Variants in CD2AP observed in about 807,000 individuals in gnomAD.
CD2AP encodes the protein CD2-associated protein.
Under a neutral mutation model 85.1 loss-of-function variants are expected in CD2AP, and 46 were observed. The observed-to-expected ratio is 0.54, with a 90% CI of 0.43 to 0.69. The LOEUF is 0.69. CD2AP is among the 30% of genes least tolerant of loss of function. CD2AP has a pLI of 0.00. For missense variants in CD2AP, 769 were observed against 729.5 expected (o/e 1.05, Z -0.62); for synonymous variants, 255 against 252.9 (o/e 1.01, Z -0.08).
intron 11 of CD2AP, 27 bp from the exon 12 acceptor site, chr6:47,595,834 T>C: frequency 1.3e-6 from 2 of 1,593,582 alleles, no homozygotes; most frequent in Non-Finnish European, 1.7e-6. Flanking sequence ...TGATTGTTAA[T>C]AACTTGTGAA....
At chr6:47,526,858 T>C (rs1006431774) in intron 2 of CD2AP, among the ~76,000 whole-genome samples, 12 of 152,210 alleles carry the variant, frequency 7.9e-5, no homozygotes, top group African/African-American at 2.4e-4. Context: ...AATGAGCAAG[T>C]ACTCTTTGGC....
chr6:47,587,014 T>C (rs1032758981), intron 11 of CD2AP, among the ~76,000 whole-genome samples: 1 of 152,174 alleles, frequency 6.6e-6, no homozygotes, highest in Non-Finnish European at 1.5e-5. Context: ...AAAATGTCAG[T>C]GTTTTGCCAG....
At chr6:47,490,129 C>G (rs1031568136) in intron 1 of CD2AP, among the ~76,000 whole-genome samples, 1 of 151,958 alleles carries the variant, frequency 6.6e-6, no homozygotes, top group Non-Finnish European at 1.5e-5. Flanking sequence ...CATGTGCCAT[C>G]GCACCTGGCT....
intron 6 of CD2AP, among the ~76,000 whole-genome samples, chr6:47,575,338 A>G (rs1768278253): frequency 6.6e-6 from 1 of 151,754 alleles, no homozygotes; most frequent in Non-Finnish European, 1.5e-5. Context: ...TTCTAACTCT[A>G]AAGCTTAGGA....
intron 3 of CD2AP, among the ~76,000 whole-genome samples, chr6:47,541,135 A>G (rs1260896608): frequency 6.6e-6 from 1 of 151,526 alleles, no homozygotes; most frequent in East Asian, 1.9e-4. Context: ...CCTTTTTTTT[A>G]TTTTTTGAGA....
At chr6:47,488,870 A>T (rs560536645) in intron 1 of CD2AP, among the ~76,000 whole-genome samples, 1 of 152,306 alleles carries the variant, frequency 6.6e-6, no homozygotes, top group South Asian at 2.1e-4. Context: ...CAGCCTGTGC[A>T]ACTGAGTGAG....
chr6:47,581,843 A>C (rs548126888), intron 10 of CD2AP, among the ~76,000 whole-genome samples, 160 bp from the exon 11 acceptor site: 2 of 152,284 alleles, frequency 1.3e-5, no homozygotes, highest in Non-Finnish European at 2.9e-5. Flanking sequence ...CAGGTCCAGG[A>C]TTAGAAATTG....
At chr6:47,594,201 T>C (rs2114127901) in intron 11 of CD2AP, among the ~76,000 whole-genome samples, 1 of 152,170 alleles carries the variant, frequency 6.6e-6, no homozygotes, top group African/African-American at 2.4e-5. Context: ...AAGGTGGTGG[T>C]TGCGTAACAT....
At chr6:47,607,793 A>G in intron 14 of CD2AP, 134 bp from the exon 15 acceptor site, 1 of 633,486 alleles carries the variant, frequency 1.6e-6, no homozygotes, top group East Asian at 2.7e-5. Flanking sequence ...ATAGCATCCT[A>G]TTAATAATAA....
chr6:47,610,952 TA>T (rs1769413831), intron 16 of CD2AP, among the ~76,000 whole-genome samples: 5 of 55,190 alleles, frequency 9.1e-5, no homozygotes, highest in African/African-American at 3.7e-4. Flanking sequence ...TTCTGATTTA[TA>T]TATATATATA....
chr6:47,503,429 A>G lies in CD2AP; in HGVS notation c.154A>G (p.Asn52Asp), dbSNP rs1766050373. ...LNGRRGMFPD[N>D]FVKEIKRETE... The stretch of plus-strand genomic sequence containing the variant: ...TGGGAGAAGAGGAATGTTCCCTGAC[A>G]ATTTCGTTAAGGTAAGTATTTTCAG... The change falls in exon 2 of 18, where the codon AAT (asparagine) becomes GAT (aspartate). Residue 52 changes from asparagine (N) to aspartate (D), a missense_variant. Transcript: ENST00000359314. The G allele has an allele frequency of 6.2e-7, 1 of 1,613,668 alleles. No individual in the cohort carries two copies. Among genetic ancestry groups the G allele is most frequent in the Non-Finnish European group, 8.5e-7 (1 of 1,179,684 alleles).
intron 2 of CD2AP, among the ~76,000 whole-genome samples, chr6:47,504,545 C>G (rs1365608319): frequency 6.6e-6 from 1 of 152,158 alleles, no homozygotes; most frequent in East Asian, 1.9e-4. Context: ...TAAATAGTCT[C>G]TAGGTTAACT....
intron 11 of CD2AP, among the ~76,000 whole-genome samples, chr6:47,592,535 C>T (rs1317658067): frequency 6.6e-6 from 1 of 151,974 alleles, no homozygotes; most frequent in Admixed American, 6.6e-5. Context: ...CTTGAAATTT[C>T]CTGAGTGATA....
At chr6:47,528,471 A>G (rs2114017252) in intron 2 of CD2AP, among the ~76,000 whole-genome samples, 1 of 152,292 alleles carries the variant, frequency 6.6e-6, no homozygotes, top group Non-Finnish European at 1.5e-5. Flanking sequence ...CACTGCATCC[A>G]GCCAGTTCAT....
chr6:47,567,796 T>C (rs1038544869), intron 5 of CD2AP, among the ~76,000 whole-genome samples: 1 of 152,184 alleles, frequency 6.6e-6, no homozygotes, highest in Admixed American at 6.5e-5. Context: ...GGAGAAATTA[T>C]TGGGTCAGAC....
chr6:47,533,221 A>G (rs368258689), intron 2 of CD2AP, among the ~76,000 whole-genome samples: 43 of 152,336 alleles, frequency 2.8e-4, no homozygotes, highest in African/African-American at 9.9e-4. Flanking sequence ...GATGGTTGCA[A>G]CAGAAAGTGT....
At chr6:47,609,924 C>G (rs1476900797) in intron 16 of CD2AP, among the ~76,000 whole-genome samples, 1 of 152,074 alleles carries the variant, frequency 6.6e-6, no homozygotes, top group Admixed American at 6.6e-5. Flanking sequence ...GGTTGTGTAT[C>G]TATACATATA....
At position 47,493,370 on chromosome 6, in the gene CD2AP, A is replaced by G. The variant is rs571893135; in HGVS notation, c.5-9910A>G. Among the ~76,000 whole-genome samples the G allele has an allele frequency of 7.4e-5, 11 of 148,678 alleles. No homozygotes were observed. The South Asian group carries it at 2.3e-3, about 31-fold the overall frequency. On this transcript the variant is annotated intron_variant, in intron 1 of 17. Coordinates refer to ENST00000359314, the MANE Select transcript of CD2AP (RefSeq NM_012120.3). ...TAGGTTGGTGTTTTTTTTTTTTCCAATGCTTTAAATATTTTATTCCATCCT... is the reference window on the plus strand; with the variant it reads ...TAGGTTGGTGTTTTTTTTTTTTCCAGTGCTTTAAATATTTTATTCCATCCT...
intron 17 of CD2AP, among the ~76,000 whole-genome samples, chr6:47,614,215 A>G (rs975551290): frequency 1.3e-5 from 2 of 152,188 alleles, no homozygotes; most frequent in African/African-American, 4.8e-5. Context: ...TTTGCAATCA[A>G]AACTTGGCTG....
Sources: gnomAD v4.1 joint callset for allele counts (sites outside exome capture counted in the v4.1 genomes callset) on GRCh38, gnomAD v4.1.1 for gene constraint, MANE v1.5 for transcripts, NCBI Gene and HGNC (gene_info 2026-07-23, HGNC 2026-07-21) for gene names.